Variants in FANCD2 observed in about 807,000 individuals in gnomAD.
FANCD2 encodes Fanconi anemia group D2 protein.
Under a neutral mutation model 192.3 loss-of-function variants are expected in FANCD2, and 131 were observed. The observed-to-expected ratio is 0.68, with a 90% CI of 0.59 to 0.79. The LOEUF (loss-of-function observed/expected upper bound fraction) is 0.79, where lower values mean the gene tolerates loss of function less well. FANCD2 is among the 30% of genes least tolerant of loss of function. The pLI, the probability that FANCD2 is intolerant of heterozygous loss-of-function variation, is 0.00. For synonymous variants in FANCD2, 524 were observed against 612.5 expected (o/e 0.86, Z 2.13); for missense variants, 1,508 against 1,701.6 (o/e 0.89, Z 2.00).
chr3:10,055,535 G>A (rs960862068), intron 18 of FANCD2, among the ~76,000 whole-genome samples: 12 of 152,092 alleles, frequency 7.9e-5, no homozygotes, highest in South Asian at 2.1e-4. Flanking sequence ...ATTCTTGGCC[G>A]GGCACGGTGA....
At chr3:10,092,306 G>T (rs2125086385) in intron 38 of FANCD2, 54 bp downstream of exon 38, 1 of 1,376,932 alleles carries the variant, frequency 7.3e-7, no homozygotes, top group East Asian at 2.3e-5. Flanking sequence ...GAAACCAAGT[G>T]TCCTGGCTTC....
chr3:10,086,205 T>C (rs2125070328), intron 33 of FANCD2, among the ~76,000 whole-genome samples: 1 of 152,358 alleles, frequency 6.6e-6, no homozygotes, highest in Middle Eastern at 3.4e-3. Context: ...AATCAACTCT[T>C]GATTATCCAG....
rs1346828284 is a variant in FANCD2 at position 10,065,412 on chromosome 3, C to T, written c.2187C>T (p.Cys729=). Residue 729 remains cysteine (C), a synonymous_variant, in exon 24 of 44, where the codon TGC becomes TGT. Coordinates refer to ENST00000675286, the MANE Select transcript of FANCD2 (RefSeq NM_001018115.3). ...ESGQKLVSPL[C]LAPYFRLLRL... is the part of the protein sequence containing the mutation. ...TTCTCAGATTGGTGTCTCCGCTGTGCCTGGCTCCGTATTTCCGGTTACTGA... is the reference window on the plus strand; with the variant it reads ...TTCTCAGATTGGTGTCTCCGCTGTGTCTGGCTCCGTATTTCCGGTTACTGA... The T allele has an allele frequency of 1.2e-6, 2 of 1,613,414 alleles. No individual in the cohort carries two copies. Among genetic ancestry groups the T allele is most frequent in the Admixed American group, 1.7e-5 (1 of 59,984 alleles).
Position 10,026,443 on chromosome 3 carries a change from G to T in FANCD2, c.-64G>T. The T allele has an allele frequency of 2.3e-6, 1 of 441,884 alleles. No individual in the cohort carries two copies. Among genetic ancestry groups the T allele is most frequent in the Non-Finnish European group, 3.1e-6 (1 of 326,226 alleles). 27.4% of individuals were successfully genotyped at this position (441,884 alleles called of 1,614,324 possible). A position where few individuals can be genotyped will look rare whatever the true frequency, so the allele number is the denominator to read the frequency against. On this transcript the variant is annotated 5_prime_UTR_variant, in exon 1 of 44. Transcript: ENST00000675286. Reference sequence around the variant, plus strand: ...GAGCGGCGTCGGGCCTGGCGGGAAAGTCGAAAACTACGGGCGGCGACGGCT... The same window carrying T: ...GAGCGGCGTCGGGCCTGGCGGGAAATTCGAAAACTACGGGCGGCGACGGCT...
rs1461324891 is a variant in FANCD2 at position 10,032,829 on chromosome 3, C to T, written c.65-3C>T. 1.9e-6 allele frequency: 3 copies of T among 1,611,248 alleles called. No homozygotes were observed. The East Asian group carries it at 6.7e-5, about 36-fold the overall frequency. ...ATATTCTTGAAAATTTTTCTATTTT[C>T]AGAAACCAGGAAGCAACCACTTTCC... On this transcript the variant is annotated splice_region_variant and splice_polypyrimidine_tract_variant and intron_variant, in intron 2 of 43. Coordinates refer to ENST00000675286, the MANE Select transcript of FANCD2 (RefSeq NM_001018115.3).
chr3:10,043,409 T>C, intron 12 of FANCD2, 75 bp from the exon 13 acceptor site: 1 of 1,188,340 alleles, frequency 8.4e-7, no homozygotes, highest in South Asian at 1.2e-5. Context: ...CCAGGGTACA[T>C]GGCAGGAACT....
intron 28 of FANCD2, 37 bp downstream of exon 28, chr3:10,073,399 AT>A (rs765498613): frequency 7.1e-7 from 1 of 1,415,846 alleles, no homozygotes; most frequent in Non-Finnish European, 1.0e-6. Flanking sequence ...GGTTTGTGAC[AT>A]CCCAGTGAGA....
At position 10,101,508 on chromosome 3, in the gene FANCD2, C is replaced by T. The variant is rs1695299836; in HGVS notation, c.*246C>T. The T allele has an allele frequency of 2.1e-6, 1 of 471,118 alleles. No homozygotes were observed. Among genetic ancestry groups the T allele is most frequent in the African/African-American group, 2.0e-5 (1 of 51,210 alleles). The allele number at this position is 471,118 out of a possible 1,614,324, so 29.2% of individuals were successfully genotyped here. A position where few individuals can be genotyped will look rare whatever the true frequency, so the allele number is the denominator to read the frequency against. On this transcript the variant is annotated 3_prime_UTR_variant, in exon 44 of 44. Transcript: ENST00000675286. ...TCAAGCGATTCTCCTGCCTCAGCCT[C>T]CTGAGTAGCTGGGACGACAGGCACA...
rs567306410 is a variant in FANCD2, at chr3:10,027,766, G to A, written c.-33-859G>A. Among the ~76,000 whole-genome samples, 17 of 151,962 alleles carry A rather than the reference G, an allele frequency of 1.1e-4. 1 individual carries two copies. The South Asian group carries it at 3.1e-3, about 28-fold the overall frequency. ...TAAAAATACAAAAAATTAGCCGGGCGTGGTGGCGGGCGCCTGTAGTCCCAG... is the reference window on the plus strand; with the variant it reads ...TAAAAATACAAAAAATTAGCCGGGCATGGTGGCGGGCGCCTGTAGTCCCAG... On this transcript the variant is annotated intron_variant, in intron 1 of 43. Coordinates refer to ENST00000675286, the MANE Select transcript of FANCD2 (RefSeq NM_001018115.3).
chr3:10,060,552 C>T lies in FANCD2; in HGVS notation c.1766+149C>T, dbSNP rs972532897. ...CTACTTTTCCATGTTCCCTTCTAAT[C>T]GTGACTGTATATATTACCATGTATA... On this transcript the variant is annotated intron_variant, in intron 19 of 43. Transcript: ENST00000675286. 53 of 699,026 alleles carry T rather than the reference C, an allele frequency of 7.6e-5. 1 individual carries two copies. Among genetic ancestry groups the T allele is most frequent in the South Asian group, 1.9e-4 (12 of 64,328 alleles). 43.3% of individuals were successfully genotyped at this position (699,026 alleles called of 1,614,324 possible).
intron 18 of FANCD2, among the ~76,000 whole-genome samples, chr3:10,054,641 G>A (rs1335595968): frequency 6.7e-6 from 1 of 148,230 alleles, no homozygotes; most frequent in African/African-American, 2.5e-5. Flanking sequence ...CCGCCACCAC[G>A]CCCGGCTAAT....
intron 43 of FANCD2, chr3:10,099,095 A>G: frequency 7.9e-6 from 12 of 1,525,266 alleles, no homozygotes. Flanking sequence ...ATGAATTCAT[A>G]TCTGAAACCA....
At chr3:10,068,717 G>A (rs1410595942) in intron 26 of FANCD2, among the ~76,000 whole-genome samples, 1 of 150,760 alleles carries the variant, frequency 6.6e-6, no homozygotes, top group Admixed American at 6.6e-5. Context: ...AATGAAACTG[G>A]AGGAATCGCA....
chr3:10,089,323 T>C (rs1347706144), intron 36 of FANCD2, among the ~76,000 whole-genome samples: 1 of 151,856 alleles, frequency 6.6e-6, no homozygotes, highest in African/African-American at 2.4e-5. Context: ...GTCCAACGTA[T>C]ATAGCTTCCA....
At chr3:10,047,717 A>G (rs1198531590) in intron 15 of FANCD2, among the ~76,000 whole-genome samples, 200 bp from the exon 16 acceptor site, 1 of 152,248 alleles carries the variant, frequency 6.6e-6, no homozygotes, top group East Asian at 1.9e-4. Context: ...TATTATCCAA[A>G]CGTGGAATCC....
intron 7 of FANCD2, among the ~76,000 whole-genome samples, chr3:10,036,800 A>G (rs1378269675): frequency 1.3e-5 from 2 of 152,042 alleles, no homozygotes; most frequent in African/African-American, 2.4e-5. Flanking sequence ...GTTGGTTGGA[A>G]TCAGGTATTT....
intron 4 of FANCD2, 73 bp from the exon 5 acceptor site, chr3:10,034,622 G>A: frequency 6.7e-7 from 1 of 1,494,346 alleles, no homozygotes; most frequent in South Asian, 1.1e-5. Context: ...AAGTTGAGTG[G>A]GCTAGAATGA....
chr3:10,060,652 A>G (rs1443100384), intron 19 of FANCD2, among the ~76,000 whole-genome samples: 1 of 152,226 alleles, frequency 6.6e-6, no homozygotes, highest in Non-Finnish European at 1.5e-5. Flanking sequence ...GTAAAATTCT[A>G]GAAATCTTTG....
At chr3:10,040,701 A>G in intron 9 of FANCD2, 1 of 374,336 alleles carries the variant, frequency 2.7e-6, no homozygotes, top group South Asian at 2.0e-5. Flanking sequence ...TTATTGTACT[A>G]GAAGTATTTT....
Sources: gnomAD v4.1 joint callset for allele counts (sites outside exome capture counted in the v4.1 genomes callset) on GRCh38, gnomAD v4.1.1 for gene constraint, MANE v1.5 for transcripts, NCBI Gene and HGNC (gene_info 2026-07-23, HGNC 2026-07-21) for gene names.